Variants in CYSTM1 observed in about 807,000 individuals in gnomAD.
CYSTM1 encodes the protein cysteine rich transmembrane module containing 1.
Under a neutral mutation model 13.1 loss-of-function variants are expected in CYSTM1, and 4 were observed. The observed-to-expected ratio is 0.31, with a 90% CI of 0.15 to 0.70. The LOEUF is 0.70. Among genes scored for constraint, CYSTM1 ranks in the 30% least tolerant of loss-of-function variants. The pLI is 0.72. For missense variants in CYSTM1, 96 were observed against 121.6 expected (o/e 0.79, Z 0.99); for synonymous variants, 36 against 42.7 (o/e 0.84, Z 0.62).
chr5:140,200,699 T>C (rs1480344439), intron 2 of CYSTM1: 2 of 151,856 alleles, frequency 1.3e-5, no homozygotes, highest in Non-Finnish European at 2.9e-5. Context: ...TAGCTGGGAC[T>C]ACAGATGCCT....
intron 2 of CYSTM1, among the ~76,000 whole-genome samples, chr5:140,232,304 G>A (rs920556308): frequency 6.6e-6 from 1 of 152,174 alleles, no homozygotes; most frequent in Non-Finnish European, 1.5e-5. Flanking sequence ...AGGAGAGGTT[G>A]GGCTAGAGAT....
At chr5:140,189,529 C>CT (rs1399898217) in intron 1 of CYSTM1, among the ~76,000 whole-genome samples, 1 of 152,166 alleles carries the variant, frequency 6.6e-6, no homozygotes, top group Non-Finnish European at 1.5e-5. Flanking sequence ...ACAAAACAGA[C>CT]TAAGTAGAGT....
At position 140,243,337 on chromosome 5, in the gene CYSTM1, C is replaced by G. The variant is rs1359355476; in HGVS notation, c.220C>G (p.Leu74Val). The change falls in exon 3 of 3, where the codon CTA becomes GTA. Residue 74 changes from leucine to valine, a missense_variant. Physicochemically the swap from Leu to Val is conservative, Grantham distance 32. Transcript: ENST00000261811. ...GGTAGAAGACCAAAGAAGAGATGAG[C>G]TAGGACCATCCACCTGCCTCACAGC... ...YVVEDQRRDE[L>V]GPSTCLTACW... 1.2e-6 allele frequency: 2 copies of G among 1,614,068 alleles called. No individual in the cohort carries two copies. The highest frequency in any genetic ancestry group is 1.7e-6 in the Non-Finnish European group (2 of 1,180,048).
rs1194620705 is a variant in CYSTM1 at position 140,215,487 on chromosome 5, G to T, written c.187+20835G>T. ...AATAGGCTGCAGTTCCTGTTCCTGG[G>T]TTATACCCTGGCTCTCACACAGAGA... On this transcript the variant is annotated intron_variant, in intron 2 of 2. Coordinates refer to ENST00000261811, the MANE Select transcript of CYSTM1 (RefSeq NM_032412.4). Among the ~76,000 whole-genome samples the T allele has an allele frequency of 3.6e-5, 5 of 138,720 alleles. No homozygotes were observed. The East Asian group carries it at 1.0e-3, about 29-fold the overall frequency. The allele number at this position is 138,720 out of a possible 152,430, so 91.0% of individuals were successfully genotyped here.
At position 140,179,701 on chromosome 5, in the gene CYSTM1, C is replaced by T. The variant is rs1049036035; in HGVS notation, c.-21+4416C>T. On this transcript the variant is annotated intron_variant, in intron 1 of 2. Transcript: ENST00000261811. ...TTTGAGACAGAGTCTTGCTCTGTCT[C>T]CCAGGCCGGAGTGCAATGGCACGAT... Among the ~76,000 whole-genome samples, 4 of 145,554 alleles carry T rather than the reference C, an allele frequency of 2.7e-5. No homozygotes were observed. In the South Asian group the frequency reaches 6.4e-4, roughly 23 times the overall value.
chr5:140,242,841 G>A (rs1171082704), intron 2 of CYSTM1, among the ~76,000 whole-genome samples: 1 of 152,182 alleles, frequency 6.6e-6, no homozygotes, highest in South Asian at 2.1e-4. Context: ...TATTGCCCAG[G>A]AATGAAAAAC....
intron 2 of CYSTM1, among the ~76,000 whole-genome samples, chr5:140,238,651 T>TTC (rs886226119): frequency 1.3e-5 from 2 of 152,170 alleles, no homozygotes; most frequent in African/African-American, 4.8e-5. Flanking sequence ...AAGTTGAGTC[T>TTC]TCTCTCTCTC....
At chr5:140,186,028 T>G (rs146312143) in intron 1 of CYSTM1, among the ~76,000 whole-genome samples, 2 of 152,214 alleles carry the variant, frequency 1.3e-5, no homozygotes, top group Non-Finnish European at 2.9e-5. Flanking sequence ...TCCTTAAAAT[T>G]TGGAAAACTT....
intron 1 of CYSTM1, among the ~76,000 whole-genome samples, chr5:140,191,164 T>C (rs1005489560): frequency 1.3e-5 from 2 of 152,246 alleles, no homozygotes; most frequent in African/African-American, 2.4e-5. Flanking sequence ...TCTGTGACTT[T>C]TGCTGTTCTC....
intron 2 of CYSTM1, among the ~76,000 whole-genome samples, chr5:140,211,889 G>A (rs1459017138): frequency 3.9e-5 from 6 of 152,226 alleles, no homozygotes; most frequent in Non-Finnish European, 8.8e-5. Context: ...AGAGGTTGCA[G>A]TGAGCCAAGA....
At chr5:140,197,382 C>T (rs1340489835) in intron 2 of CYSTM1, among the ~76,000 whole-genome samples, 2 of 152,174 alleles carry the variant, frequency 1.3e-5, no homozygotes, top group South Asian at 2.1e-4. Context: ...TTCACAAATG[C>T]AGTTGAAAGC....
intron 2 of CYSTM1, among the ~76,000 whole-genome samples, chr5:140,226,510 ATATT>A (rs1764553737): frequency 1.6e-5 from 2 of 124,642 alleles, no homozygotes; most frequent in Non-Finnish European, 3.2e-5. Context: ...ATATAAATAT[ATATT>A]AATAATATAT....
At chr5:140,177,028 C>T (rs1763896856) in intron 1 of CYSTM1, among the ~76,000 whole-genome samples, 1 of 142,236 alleles carries the variant, frequency 7.0e-6, no homozygotes, top group Non-Finnish European at 1.5e-5. Flanking sequence ...GAGGCTGCGC[C>T]ACTGCACTCC....
chr5:140,228,018 G>T (rs540972593), intron 2 of CYSTM1, among the ~76,000 whole-genome samples: 1 of 152,176 alleles, frequency 6.6e-6, no homozygotes, highest in African/African-American at 2.4e-5. Flanking sequence ...TATTGGTCAC[G>T]TGGAAGAACC....
intron 2 of CYSTM1, among the ~76,000 whole-genome samples, chr5:140,204,675 T>C (rs1164141592): frequency 6.6e-6 from 1 of 152,218 alleles, no homozygotes; most frequent in Non-Finnish European, 1.5e-5. Flanking sequence ...TTTACCTCCC[T>C]GATCTTTGAG....
intron 1 of CYSTM1, among the ~76,000 whole-genome samples, chr5:140,187,193 C>G (rs13178753): frequency 6.9e-6 from 1 of 145,448 alleles, no homozygotes; most frequent in African/African-American, 2.6e-5. Context: ...TTTACCTGAA[C>G]AAACTGCACC....
chr5:140,217,667 C>A (rs1456175077), intron 2 of CYSTM1, among the ~76,000 whole-genome samples: 1 of 152,130 alleles, frequency 6.6e-6, no homozygotes, highest in East Asian at 1.9e-4. Flanking sequence ...GGAGTGACTC[C>A]CTTTCTTAAG....
At chr5:140,236,639 G>T (rs1764684254) in intron 2 of CYSTM1, among the ~76,000 whole-genome samples, 1 of 152,192 alleles carries the variant, frequency 6.6e-6, no homozygotes, top group South Asian at 2.1e-4. Context: ...ATCTAAGGCA[G>T]TAGCTGTACA....
At chr5:140,220,478 G>T (rs1385276727) in intron 2 of CYSTM1, among the ~76,000 whole-genome samples, 2 of 152,170 alleles carry the variant, frequency 1.3e-5, no homozygotes, top group African/African-American at 4.8e-5. Flanking sequence ...GATCTGTCAT[G>T]ATTTTGTTCC....
Sources: gnomAD v4.1 joint callset for allele counts (sites outside exome capture counted in the v4.1 genomes callset) on GRCh38, gnomAD v4.1.1 for gene constraint, MANE v1.5 for transcripts, NCBI Gene and HGNC (gene_info 2026-07-23, HGNC 2026-07-21) for gene names.